SRBD1: variants seen among roughly 807,000 people sequenced by gnomAD.
The protein encoded by SRBD1 is S1 RNA-binding domain-containing protein 1.
A neutral mutation model predicts 115.3 loss-of-function variants in SRBD1; 88 were observed. The observed-to-expected ratio is 0.76, with a 90% confidence interval of 0.64 to 0.91. The LOEUF is 0.91. Among genes scored for constraint, SRBD1 ranks in the 40% least tolerant of loss-of-function variants. The pLI is 0.00. For missense variants in SRBD1, 1,385 were observed against 1,177.4 expected, an observed-to-expected ratio of 1.18 and a Z score of -2.58; for synonymous variants, 509 against 407.7, an observed-to-expected ratio of 1.25 and a Z score of -2.99.
chr2:45,454,100 T>C (rs1255720382), intron 16 of SRBD1, among the ~76,000 whole-genome samples: 1 of 151,996 alleles, frequency 6.6e-6, no homozygotes, highest in African/African-American at 2.4e-5. Flanking sequence ...CAGGATCTAT[T>C]AGCCAAAGAC....
At chr2:45,496,926 T>C (rs1404419425) in intron 14 of SRBD1, among the ~76,000 whole-genome samples, 1 of 152,198 alleles carries the variant, frequency 6.6e-6, no homozygotes, top group Non-Finnish European at 1.5e-5. Context: ...AAAAAAATCC[T>C]GAAAACACAT....
At chr2:45,598,683 G>A (rs1054004821) in intron 4 of SRBD1, among the ~76,000 whole-genome samples, 1 of 152,146 alleles carries the variant, frequency 6.6e-6, no homozygotes, top group Non-Finnish European at 1.5e-5. Context: ...TGACACACAG[G>A]CAGTCCCAGA....
intron 14 of SRBD1, among the ~76,000 whole-genome samples, chr2:45,542,498 C>G (rs979024897): frequency 1.3e-5 from 2 of 152,184 alleles, no homozygotes; most frequent in African/African-American, 2.4e-5. Flanking sequence ...AGCATGCAAC[C>G]CAAGCCACAA....
chr2:45,602,216 G>A (rs1295522688), intron 2 of SRBD1, 133 bp from the exon 3 acceptor site: 4 of 1,011,270 alleles, frequency 4.0e-6, no homozygotes, highest in African/African-American at 1.6e-5. Flanking sequence ...TTGAGTACAG[G>A]CTGTGAACAG....
intron 14 of SRBD1, among the ~76,000 whole-genome samples, chr2:45,527,496 G>A (rs1256102665): frequency 6.6e-6 from 1 of 151,684 alleles, no homozygotes; most frequent in Non-Finnish European, 1.5e-5. Context: ...GATTTTGATA[G>A]GCAGAGGATG....
At chr2:45,463,029 G>GC (rs1294657848) in intron 16 of SRBD1, among the ~76,000 whole-genome samples, 4 of 76,852 alleles carry the variant, frequency 5.2e-5, no homozygotes, top group East Asian at 3.8e-4. Flanking sequence ...GGGGGGGGGG[G>GC]GGAAATCTCT....
At chr2:45,521,306 C>CAT (rs1042123027) in intron 14 of SRBD1, among the ~76,000 whole-genome samples, 2 of 151,738 alleles carry the variant, frequency 1.3e-5, no homozygotes, top group African/African-American at 2.4e-5. Context: ...CACACACACA[C>CAT]ACACACACAC....
At chr2:45,590,084 C>G (rs1001178242) in intron 4 of SRBD1, among the ~76,000 whole-genome samples, 1 of 152,204 alleles carries the variant, frequency 6.6e-6, no homozygotes, top group Non-Finnish European at 1.5e-5. Context: ...CATCAAAAGC[C>G]TCTGATGAGA....
intron 16 of SRBD1, among the ~76,000 whole-genome samples, chr2:45,453,007 A>C (rs985559737): frequency 6.6e-6 from 1 of 151,970 alleles, no homozygotes; most frequent in African/African-American, 2.4e-5. Context: ...TGTGTTTGTA[A>C]TAACTGCAGA....
intron 16 of SRBD1, among the ~76,000 whole-genome samples, chr2:45,476,269 A>G (rs1382057563): frequency 6.6e-6 from 1 of 152,172 alleles, no homozygotes; most frequent in Non-Finnish European, 1.5e-5. Flanking sequence ...CATGAATTCT[A>G]AGGTGTCTTC....
At chr2:45,460,421 T>C (rs1235275661) in intron 16 of SRBD1, among the ~76,000 whole-genome samples, 1 of 152,068 alleles carries the variant, frequency 6.6e-6, no homozygotes, top group East Asian at 1.9e-4. Context: ...ACAAACCACC[T>C]CTTCAAAAGG....
At chr2:45,420,504 C>A (rs1667964337) in intron 16 of SRBD1, among the ~76,000 whole-genome samples, 1 of 152,174 alleles carries the variant, frequency 6.6e-6, no homozygotes, top group Non-Finnish European at 1.5e-5. Flanking sequence ...CACATGCTTT[C>A]TTACTGCTTA....
chr2:45,430,601 C>G lies in SRBD1; in HGVS notation c.2050-10707G>C, dbSNP rs550199368. On this transcript the variant is annotated intron_variant, in intron 16 of 20. Coordinates refer to ENST00000263736, the MANE Select transcript of SRBD1 (RefSeq NM_018079.5). ...AAACTGGCTAGCCATATGCAGAAAA[C>G]TGAAACTGGACCCCTTCCTTACATC... Among the ~76,000 whole-genome samples, 85 of 152,242 alleles carry G rather than the reference C, an allele frequency of 5.6e-4. No individual in the cohort carries two copies. The South Asian group carries it at 7.2e-3, about 13-fold the overall frequency.
rs561635758 is a variant in SRBD1 at position 45,585,823 on chromosome 2, C to T, written c.649-49G>A. 1.5e-4 allele frequency: 215 copies of T among 1,403,706 alleles called. 1 individual carries two copies. The South Asian group carries it at 2.4e-3, about 16-fold the overall frequency. The allele number at this position is 1,403,706 out of a possible 1,614,324, so 87.0% of individuals were successfully genotyped here. ...ATTTAAAATGCTGAAAATTAAACAT[C>T]TATATCATGTATAATTTAAAACATA... On this transcript the variant is annotated intron_variant, in intron 4 of 20. Transcript: ENST00000263736.
intron 14 of SRBD1, among the ~76,000 whole-genome samples, chr2:45,540,358 A>T (rs1237481376): frequency 6.6e-6 from 1 of 151,336 alleles, no homozygotes; most frequent in African/African-American, 2.4e-5. Context: ...AAAAAAAAAA[A>T]TTAAATGAGT....
chr2:45,494,321 T>G (rs1053749257), intron 14 of SRBD1, among the ~76,000 whole-genome samples: 1 of 152,156 alleles, frequency 6.6e-6, no homozygotes, highest in Non-Finnish European at 1.5e-5. Flanking sequence ...CAGAAAAGGT[T>G]TAAAAATGTA....
chr2:45,472,631 T>C (rs1669684041), intron 16 of SRBD1, among the ~76,000 whole-genome samples: 1 of 152,200 alleles, frequency 6.6e-6, no homozygotes, highest in African/African-American at 2.4e-5. Flanking sequence ...CAGGTGCGTG[T>C]CACCATGCCT....
intron 14 of SRBD1, among the ~76,000 whole-genome samples, chr2:45,518,964 TAAA>T (rs11362482): frequency 6.3e-5 from 7 of 111,144 alleles, no homozygotes; most frequent in African/African-American, 1.2e-4. Flanking sequence ...CGAATAAGGC[TAAA>T]AAAAAAAAAA....
At chr2:45,411,600 G>C (rs1001408207) in intron 19 of SRBD1, among the ~76,000 whole-genome samples, 1 of 152,096 alleles carries the variant, frequency 6.6e-6, no homozygotes, top group Non-Finnish European at 1.5e-5. Context: ...TCAGATAATA[G>C]AAATGTTCCT....
Sources: gnomAD v4.1 joint callset for allele counts (sites outside exome capture counted in the v4.1 genomes callset) on GRCh38, gnomAD v4.1.1 for gene constraint, MANE v1.5 for transcripts, NCBI Gene and HGNC (gene_info 2026-07-23, HGNC 2026-07-21) for gene names.